The following FNBP1L variants were observed in gnomAD, a reference collection of about 807,000 sequenced individuals.
FNBP1L encodes the protein formin-binding protein 1-like.
FNBP1L carries 36 observed loss-of-function variants against 91.2 expected under a neutral mutation model. That is an observed-to-expected ratio of 0.39 (90% CI 0.30 to 0.52). The LOEUF is 0.52. Ranked by LOEUF, FNBP1L falls within the 20% of genes least tolerant of loss-of-function variation. FNBP1L has a pLI of 0.66. For synonymous variants in FNBP1L, 242 were observed against 237.0 expected, an observed-to-expected ratio of 1.02 and a Z score of -0.19; for missense variants, 571 against 732.1, an observed-to-expected ratio of 0.78 and a Z score of 2.54.
At chr1:93,489,955 A>G (rs2101716291) in intron 1 of FNBP1L, among the ~76,000 whole-genome samples, 1 of 152,354 alleles carries the variant, frequency 6.6e-6, no homozygotes, top group Non-Finnish European at 1.5e-5. Flanking sequence ...CTTTGGCAGA[A>G]AGTCAGAGCC....
At chr1:93,525,491 GTTGA>G (rs940254825) in intron 5 of FNBP1L, among the ~76,000 whole-genome samples, 10 of 152,146 alleles carry the variant, frequency 6.6e-5, no homozygotes, top group East Asian at 1.9e-4. Context: ...AAGTATTTAT[GTTGA>G]TTAAGTTTTA....
intron 1 of FNBP1L, among the ~76,000 whole-genome samples, chr1:93,454,080 G>T (rs1261434363): frequency 6.6e-6 from 1 of 152,166 alleles, no homozygotes; most frequent in East Asian, 1.9e-4. Flanking sequence ...TTCCTAGAGG[G>T]CAGATATTGT....
intron 1 of FNBP1L, among the ~76,000 whole-genome samples, chr1:93,453,523 G>C (rs1668563458): frequency 6.6e-6 from 1 of 152,114 alleles, no homozygotes; most frequent in African/African-American, 2.4e-5. Context: ...CTGTCAGCTA[G>C]TTTGTAGAGA....
intron 5 of FNBP1L, 87 bp downstream of exon 5, chr1:93,524,410 T>A: frequency 1.1e-6 from 1 of 928,694 alleles, no homozygotes; most frequent in Non-Finnish European, 1.5e-6. Flanking sequence ...CTATTTGAGT[T>A]TAATGTTTCT....
rs777735855 is a variant in FNBP1L at position 93,476,156 on chromosome 1, A to G, written c.25-23312A>G. 3.9e-5 allele frequency among the ~76,000 whole-genome samples: 6 copies of G among 152,312 alleles called. No homozygotes were observed. In the East Asian group the frequency reaches 5.8e-4, roughly 15 times the overall value. On this transcript the variant is annotated intron_variant, in intron 1 of 16. Coordinates refer to ENST00000271234, the MANE Select transcript of FNBP1L (RefSeq NM_001164473.3). Reference sequence around the variant, plus strand: ...ATGTGAAATATTGGACTGAACACCAACATTGCGATAGTAATGTACAAATGA... The same window carrying G: ...ATGTGAAATATTGGACTGAACACCAGCATTGCGATAGTAATGTACAAATGA...
chr1:93,451,077 C>A (rs1444813693), intron 1 of FNBP1L, among the ~76,000 whole-genome samples: 2 of 152,192 alleles, frequency 1.3e-5, no homozygotes, highest in Admixed American at 1.3e-4. Context: ...ACTACAGTCA[C>A]AGTTTTGCAT....
intron 1 of FNBP1L, among the ~76,000 whole-genome samples, chr1:93,493,109 C>T (rs1235080853): frequency 6.6e-6 from 1 of 152,050 alleles, no homozygotes; most frequent in South Asian, 2.1e-4. Flanking sequence ...ACTAAAAATA[C>T]AAAAATTAGC....
chr1:93,520,205 T>G (rs1671277662), intron 2 of FNBP1L, among the ~76,000 whole-genome samples: 1 of 152,192 alleles, frequency 6.6e-6, no homozygotes, highest in South Asian at 2.1e-4. Context: ...ATGCTCCTAG[T>G]AGTTTGCATG....
chr1:93,452,627 C>T (rs1480917457), intron 1 of FNBP1L, among the ~76,000 whole-genome samples: 2 of 152,168 alleles, frequency 1.3e-5, no homozygotes, highest in Non-Finnish European at 2.9e-5. Flanking sequence ...TGGGGTCTTG[C>T]TATATTCTCA....
At chr1:93,500,779 A>T (rs1670418447) in intron 2 of FNBP1L, among the ~76,000 whole-genome samples, 1 of 152,194 alleles carries the variant, frequency 6.6e-6, no homozygotes, top group Non-Finnish European at 1.5e-5. Flanking sequence ...GATGGAATAG[A>T]CTAGAGTAAT....
intron 2 of FNBP1L, among the ~76,000 whole-genome samples, chr1:93,518,847 T>C (rs1421548242): frequency 6.6e-6 from 1 of 152,240 alleles, no homozygotes; most frequent in Non-Finnish European, 1.5e-5. Flanking sequence ...GAAAACCCTG[T>C]ACCCATTAGC....
Position 93,550,936 on chromosome 1 carries a change from C to A in FNBP1L, c.1652-11C>A. On this transcript the variant is annotated splice_polypyrimidine_tract_variant and intron_variant, in intron 15 of 16. Transcript: ENST00000271234. ...AATGCTTAAATTATGCTTGTGAAAA[C>A]TCTCATCTAGGACATAATGAAGGTA... 1 of 1,526,188 alleles carries A rather than the reference C, an allele frequency of 6.6e-7. No individual in the cohort carries two copies. Among genetic ancestry groups the A allele is most frequent in the Non-Finnish European group, 8.8e-7 (1 of 1,133,850 alleles). The allele number at this position is 1,526,188 out of a possible 1,614,324, so 94.5% of individuals were successfully genotyped here.
chr1:93,544,070 A>G, intron 11 of FNBP1L, 37 bp from the exon 12 acceptor site: 1 of 1,455,618 alleles, frequency 6.9e-7, no homozygotes, highest in Non-Finnish European at 9.3e-7. Context: ...AAATTTCCCG[A>G]AAATGTCTAT....
At chr1:93,540,952 T>C in intron 10 of FNBP1L, 90 bp from the exon 11 acceptor site, 1 of 1,134,008 alleles carries the variant, frequency 8.8e-7, no homozygotes, top group Admixed American at 2.1e-5. Context: ...ATTTTAGTAT[T>C]GTGAAAAAGA....
At chr1:93,480,673 C>T (rs1444148689) in intron 1 of FNBP1L, among the ~76,000 whole-genome samples, 1 of 152,010 alleles carries the variant, frequency 6.6e-6, no homozygotes. Flanking sequence ...GCAAGCTCCA[C>T]CTCCTGGGTT....
intron 10 of FNBP1L, among the ~76,000 whole-genome samples, chr1:93,538,990 T>C (rs948732408): frequency 6.6e-6 from 1 of 152,086 alleles, no homozygotes; most frequent in African/African-American, 2.4e-5. Flanking sequence ...ATAATTTCCT[T>C]CTGTGACATT....
At chr1:93,506,109 AAATTTATT>A (rs1670602811) in intron 2 of FNBP1L, among the ~76,000 whole-genome samples, 1 of 152,234 alleles carries the variant, frequency 6.6e-6, no homozygotes, top group African/African-American at 2.4e-5. Context: ...TTTACAATAT[AAATTTATT>A]GATTTATTGA....
At chr1:93,542,443 G>A (rs1384046130) in intron 11 of FNBP1L, among the ~76,000 whole-genome samples, 593 of 82,312 alleles carry the variant, frequency 7.2e-3, no homozygotes, top group Non-Finnish European at 7.7e-3. Flanking sequence ...ATTGGTAAAT[G>A]AAAAAAAAAA....
At chr1:93,463,156 A>T (rs1668933833) in intron 1 of FNBP1L, among the ~76,000 whole-genome samples, 1 of 151,950 alleles carries the variant, frequency 6.6e-6, no homozygotes, top group African/African-American at 2.4e-5. Flanking sequence ...ATCAATAAGG[A>T]TTTTCTTTTA....
Sources: gnomAD v4.1 joint callset for allele counts (sites outside exome capture counted in the v4.1 genomes callset) on GRCh38, gnomAD v4.1.1 for gene constraint, MANE v1.5 for transcripts, NCBI Gene and HGNC (gene_info 2026-07-23, HGNC 2026-07-21) for gene names.